The following FMN2 variants were observed in gnomAD, a reference collection of about 807,000 sequenced individuals.
The protein encoded by FMN2 is formin 2, also known as formin-2.
A neutral mutation model predicts 142.3 loss-of-function variants in FMN2; 51 were observed. That is an observed-to-expected ratio of 0.36 (90% CI 0.29 to 0.45). FMN2 has a LOEUF of 0.45. Ranked by LOEUF, FMN2 falls within the 20% of genes least tolerant of loss-of-function variation. FMN2 has a pLI of 1.00. For synonymous variants in FMN2, 882 were observed against 869.8 expected, an observed-to-expected ratio of 1.01 and a Z score of -0.25; for missense variants, 1,936 against 2,122.8, an observed-to-expected ratio of 0.91 and a Z score of 1.73.
At chr1:240,426,759 G>A (rs973044148) in intron 15 of FMN2, among the ~76,000 whole-genome samples, 1 of 151,922 alleles carries the variant, frequency 6.6e-6, no homozygotes, top group Non-Finnish European at 1.5e-5. Context: ...TTTTTAAGAT[G>A]CAGTCTTGCT....
intron 2 of FMN2, chr1:240,145,221 G>C: frequency 6.9e-7 from 1 of 1,440,744 alleles, no homozygotes; most frequent in Non-Finnish European, 9.7e-7. Flanking sequence ...TCATCTTGAA[G>C]CTGTTTATCT....
At chr1:240,137,372 T>A (rs546797116) in intron 2 of FMN2, among the ~76,000 whole-genome samples, 5 of 152,292 alleles carry the variant, frequency 3.3e-5, no homozygotes, top group African/African-American at 1.2e-4. Flanking sequence ...AGTCCACTGT[T>A]GTGGTGTAAA....
At chr1:240,148,451 AGAAAGAG>A (rs1416177336) in intron 2 of FMN2, among the ~76,000 whole-genome samples, 46 of 114,408 alleles carry the variant, frequency 4.0e-4, no homozygotes, top group Admixed American at 3.0e-3. Context: ...ACAGAGAGAG[AGAAAGAG>A]AGAGAGACAG....
chr1:240,211,018 CCTTT>C (rs1026642754), intron 5 of FMN2, 69 bp from the exon 6 acceptor site: 12 of 1,429,940 alleles, frequency 8.4e-6, no homozygotes, highest in African/African-American at 1.5e-5. Context: ...TCCCCTTCTT[CCTTT>C]CTATTTATGC....
At chr1:240,316,166 C>T (rs925621604) in intron 8 of FMN2, among the ~76,000 whole-genome samples, 2 of 152,086 alleles carry the variant, frequency 1.3e-5, no homozygotes, top group African/African-American at 4.8e-5. Flanking sequence ...AACATGAAAC[C>T]AAATAATTAA....
rs1046031789 is a variant in FMN2, at chr1:240,356,407, A to G, written c.4858+499A>G. On this transcript the variant is annotated intron_variant, in intron 14 of 17. Coordinates refer to ENST00000319653, the MANE Select transcript of FMN2 (RefSeq NM_020066.5). ...ATGGGATACGCCAATACCTCTGGAT[A>G]TTCAACACCTGTCTTCCAGGGAGCT... is the stretch of plus-strand genomic sequence containing the variant. 2.6e-5 allele frequency among the ~76,000 whole-genome samples: 4 copies of G among 152,142 alleles called. No individual in the cohort carries two copies. The East Asian group carries it at 7.7e-4, about 29-fold the overall frequency.
At chr1:240,306,054 A>AT (rs1175379043) in intron 8 of FMN2, among the ~76,000 whole-genome samples, 3 of 150,048 alleles carry the variant, frequency 2.0e-5, no homozygotes, top group Non-Finnish European at 3.0e-5. Flanking sequence ...GGTTCAAGTG[A>AT]TTCTCCTGCC....
chr1:240,343,822 A>G (rs1671817534), intron 13 of FMN2, among the ~76,000 whole-genome samples: 1 of 152,186 alleles, frequency 6.6e-6, no homozygotes, highest in Non-Finnish European at 1.5e-5. Context: ...TAGTGAGCAG[A>G]TCAATCTCAC....
intron 6 of FMN2, among the ~76,000 whole-genome samples, chr1:240,223,619 T>G: frequency 6.6e-6 from 1 of 152,114 alleles, no homozygotes; most frequent in East Asian, 1.9e-4. Context: ...AGTCCTGGGC[T>G]TTTTTTGGTT....
chr1:240,233,545 G>T (rs1436248381), intron 6 of FMN2, among the ~76,000 whole-genome samples: 1 of 152,078 alleles, frequency 6.6e-6, no homozygotes, highest in African/African-American at 2.4e-5. Flanking sequence ...CTATTGTTCT[G>T]AAGACTCATG....
intron 1 of FMN2, among the ~76,000 whole-genome samples, chr1:240,094,619 C>A (rs916266805): frequency 1.3e-4 from 20 of 151,998 alleles, no homozygotes; most frequent in Admixed American, 1.2e-3. Flanking sequence ...CTTAAGAGCC[C>A]AACATGTTTA....
At chr1:240,369,054 C>T (rs544891568) in intron 14 of FMN2, among the ~76,000 whole-genome samples, 2 of 152,040 alleles carry the variant, frequency 1.3e-5, no homozygotes, top group African/African-American at 2.4e-5. Context: ...CGCGCACGCA[C>T]CCTGTGTACT....
intron 14 of FMN2, among the ~76,000 whole-genome samples, chr1:240,369,998 T>A (rs1218525921): frequency 6.6e-6 from 1 of 152,058 alleles, no homozygotes; most frequent in East Asian, 1.9e-4. Flanking sequence ...AATGCCTGAT[T>A]TAGTGGGGTG....
At chr1:240,332,094 A>G (rs889260458) in intron 11 of FMN2, among the ~76,000 whole-genome samples, 3 of 152,150 alleles carry the variant, frequency 2.0e-5, no homozygotes, top group Non-Finnish European at 4.4e-5. Flanking sequence ...TTCATTGAGC[A>G]TCTATGGAAT....
At position 240,185,173 on chromosome 1, in the gene FMN2, CT is replaced by C. The variant is rs372795974; in HGVS notation, c.1931-3031del. On this transcript the variant is annotated intron_variant, in intron 3 of 17. Transcript: ENST00000319653. ...CCCCTTCTCTTTCTCCCTCCTACAC[CT>C]TTCCCCTTCTCTTTCTCCCTCCTAT... 4.3e-3 allele frequency among the ~76,000 whole-genome samples: 429 copies of C among 100,874 alleles called. 23 individuals carry two copies. The highest frequency in any genetic ancestry group is 4.8e-3 in the Non-Finnish European group (243 of 50,358). 66.2% of individuals were successfully genotyped at this position (100,874 alleles called of 152,430 possible). A position where few individuals can be genotyped will look rare whatever the true frequency, so the allele number is the denominator to read the frequency against.
At chr1:240,268,772 G>A (rs1198471446) in intron 7 of FMN2, among the ~76,000 whole-genome samples, 1 of 151,808 alleles carries the variant, frequency 6.6e-6, no homozygotes, top group Non-Finnish European at 1.5e-5. Context: ...TCTCATTTTG[G>A]TTTTAATTTA....
At chr1:240,167,811 T>TCA (rs1309570071) in intron 2 of FMN2, among the ~76,000 whole-genome samples, 1 of 152,150 alleles carries the variant, frequency 6.6e-6, no homozygotes, top group African/African-American at 2.4e-5. Context: ...GCACGGTGGC[T>TCA]CACACCTGTA....
At chr1:240,380,822 A>G (rs763664204) in intron 14 of FMN2, among the ~76,000 whole-genome samples, 3 of 152,140 alleles carry the variant, frequency 2.0e-5, no homozygotes, top group Non-Finnish European at 2.9e-5. Flanking sequence ...CTTTGAAACG[A>G]TAAACAAAAT....
rs901652014 is a variant in FMN2, at chr1:240,166,383, C to T, written c.1783-11538C>T. Among the ~76,000 whole-genome samples, 9 of 152,068 alleles carry T rather than the reference C, an allele frequency of 5.9e-5. No individual in the cohort carries two copies. In the South Asian group the frequency reaches 1.9e-3, roughly 32 times the overall value. On this transcript the variant is annotated intron_variant, in intron 2 of 17. Coordinates refer to ENST00000319653, the MANE Select transcript of FMN2 (RefSeq NM_020066.5). ...TAAGTGAGATTGCAGGTGCCAGCCA[C>T]CAAGCCCAGCTAATTTTTGTATTTA...
Sources: allele counts gnomAD v4.1 joint callset (sites outside exome capture counted in the v4.1 genomes callset), GRCh38; gene constraint gnomAD v4.1.1; transcripts MANE v1.5; gene names NCBI Gene and HGNC (gene_info 2026-07-23, HGNC 2026-07-21).